APOOL: variants seen among roughly 807,000 people sequenced by gnomAD.
APOOL encodes MICOS complex subunit MIC27.
Under a neutral mutation model 23.1 loss-of-function variants are expected in APOOL, and 12 were observed. That is an observed-to-expected ratio of 0.52 (90% CI 0.33 to 0.84). APOOL has a LOEUF of 0.84. APOOL is among the 40% of genes least tolerant of loss of function. The pLI is 0.02. For synonymous variants in APOOL, 77 were observed against 69.9 expected, an observed-to-expected ratio of 1.10 and a Z score of -0.51; for missense variants, 212 against 199.6, an observed-to-expected ratio of 1.06 and a Z score of -0.37.
chrX:85,079,027 C>T (rs1355990988), intron 8 of APOOL, among the ~76,000 whole-genome samples: 1 of 111,598 alleles, frequency 9.0e-6, no homozygotes, highest in African/African-American at 3.3e-5. Context: ...ACAATCATGT[C>T]ATCTGCAAAC....
Position 85,055,935 on chromosome X carries a change from T to TA in APOOL, c.394+16dup. ...GTTTCAGCGAGAAAAGGTAGGGTTT[T>TA]AAAAAATATATTCTCTCTTAATGCC... On this transcript the variant is annotated intron_variant, in intron 5 of 8. Coordinates refer to ENST00000373173, the MANE Select transcript of APOOL (RefSeq NM_198450.6). 8.8e-7 allele frequency: 1 copy of TA among 1,138,013 alleles called. No individual in the cohort carries two copies. The highest frequency in any genetic ancestry group is 1.2e-6 in the Non-Finnish European group (1 of 843,025). 93.8% of individuals were successfully genotyped at this position (1,138,013 alleles called of 1,213,427 possible).
At chrX:85,021,841 A>G (rs1921675819) in intron 1 of APOOL, among the ~76,000 whole-genome samples, 1 of 112,142 alleles carries the variant, frequency 8.9e-6, no homozygotes, top group Non-Finnish European at 1.9e-5. Context: ...AAAAGATAAC[A>G]TAGATAAACC....
chrX:85,066,513 C>CA (rs1287421947), intron 5 of APOOL, among the ~76,000 whole-genome samples: 1 of 110,658 alleles, frequency 9.0e-6, no homozygotes, highest in African/African-American at 3.3e-5. Context: ...ATTTTGTTAT[C>CA]AAAAAAAGAT....
intron 5 of APOOL, among the ~76,000 whole-genome samples, chrX:85,062,987 A>C (rs564994826): frequency 8.9e-6 from 1 of 111,853 alleles, no homozygotes; most frequent in African/African-American, 3.2e-5. Flanking sequence ...GTTTCTTCCT[A>C]TCCATGAGCA....
At chrX:85,060,118 C>T (rs1431396299) in intron 5 of APOOL, among the ~76,000 whole-genome samples, 5 of 109,782 alleles carry the variant, frequency 4.6e-5, no homozygotes, top group African/African-American at 1.7e-4. Context: ...TTCCCAGCAC[C>T]ATTTATTAAA....
At chrX:85,059,461 C>T (rs1007755042) in intron 5 of APOOL, among the ~76,000 whole-genome samples, 1 of 110,467 alleles carries the variant, frequency 9.1e-6, no homozygotes, top group Admixed American at 9.7e-5. Context: ...ACACTGACTT[C>T]CACAATCGTT....
At chrX:85,009,531 G>A (rs186182933) in intron 1 of APOOL, among the ~76,000 whole-genome samples, 3 of 111,755 alleles carry the variant, frequency 2.7e-5, no homozygotes, top group Admixed American at 1.9e-4. Context: ...TATTAATGTG[G>A]TGTATCATGT....
chrX:85,087,704 A>G lies in APOOL; in HGVS notation c.*26A>G. On this transcript the variant is annotated 3_prime_UTR_variant, in exon 9 of 9. Coordinates refer to ENST00000373173, the MANE Select transcript of APOOL (RefSeq NM_198450.6). ...AGTAGACTGCATGCAGAGACTACAC[A>G]GAAAACTACAAGATGTGTGGCGTTG... The G allele has an allele frequency of 9.1e-7, 1 of 1,104,139 alleles. No individual in the cohort carries two copies. Among genetic ancestry groups the G allele is most frequent in the Non-Finnish European group, 1.2e-6 (1 of 822,556 alleles). The allele number at this position is 1,104,139 out of a possible 1,213,427, so 91.0% of individuals were successfully genotyped here. A position where few individuals can be genotyped will look rare whatever the true frequency, so the allele number is the denominator to read the frequency against.
At chrX:85,061,549 C>CA (rs1331541658) in intron 5 of APOOL, among the ~76,000 whole-genome samples, 2 of 112,159 alleles carry the variant, frequency 1.8e-5, no homozygotes, top group African/African-American at 6.5e-5. Flanking sequence ...ATTATTGCCT[C>CA]AATTTCAGAG....
rs1338488304 is a variant in APOOL at position 85,084,493 on chromosome X, A to G, written c.719-3097A>G. 2.7e-5 allele frequency among the ~76,000 whole-genome samples: 3 copies of G among 109,569 alleles called. No homozygotes were observed. In the East Asian group the frequency reaches 8.6e-4, roughly 31 times the overall value. ...ATGACAGGCTAAGTGGTTCTAAACC[A>G]GAGAGATCCATATCACAATTACTTG... On this transcript the variant is annotated intron_variant, in intron 8 of 8. Coordinates refer to ENST00000373173, the MANE Select transcript of APOOL (RefSeq NM_198450.6).
At chrX:85,085,442 A>G (rs1276607840) in intron 8 of APOOL, among the ~76,000 whole-genome samples, 2 of 112,065 alleles carry the variant, frequency 1.8e-5, no homozygotes. Context: ...TACCTGTACC[A>G]TCATGAATAC....
intron 2 of APOOL, among the ~76,000 whole-genome samples, chrX:85,050,973 T>C (rs1226592813): frequency 1.8e-5 from 2 of 111,199 alleles, no homozygotes; most frequent in East Asian, 5.6e-4. Flanking sequence ...AATTTTTCCA[T>C]GTTGCTGTAA....
intron 1 of APOOL, among the ~76,000 whole-genome samples, chrX:85,012,174 C>T (rs187651682): frequency 4.5e-5 from 5 of 111,727 alleles, no homozygotes; most frequent in African/African-American, 1.6e-4. Context: ...AGCAGTCCTA[C>T]TGATTTGTGT....
chrX:85,078,911 G>A (rs1923967248), intron 8 of APOOL, among the ~76,000 whole-genome samples: 1 of 111,523 alleles, frequency 9.0e-6, no homozygotes, highest in Non-Finnish European at 1.9e-5. Flanking sequence ...TGGTGTATAA[G>A]AATGCTTGTG....
chrX:85,071,229 C>A (rs772019793), intron 6 of APOOL, among the ~76,000 whole-genome samples: 134 of 110,171 alleles, frequency 1.2e-3, no homozygotes, highest in African/African-American at 4.3e-3. Context: ...TACAAAAGCT[C>A]TGGATTTGAA....
intron 1 of APOOL, among the ~76,000 whole-genome samples, chrX:85,035,994 G>C (rs778220123): frequency 1.8e-5 from 2 of 112,359 alleles, no homozygotes; most frequent in Admixed American, 9.4e-5. Context: ...TTTTAGAATA[G>C]TTGTTTCTAC....
chrX:85,046,629 G>A lies in APOOL; in HGVS notation c.120+79G>A, dbSNP rs1428107542. 4 of 831,843 alleles carry A rather than the reference G, an allele frequency of 4.8e-6. No individual in the cohort carries two copies. The Admixed American group carries it at 1.0e-4, about 21-fold the overall frequency. The allele number at this position is 831,843 out of a possible 1,213,427, so 68.6% of individuals were successfully genotyped here. On this transcript the variant is annotated intron_variant, in intron 2 of 8. Coordinates refer to ENST00000373173, the MANE Select transcript of APOOL (RefSeq NM_198450.6). ...AGCTATATTTTTTAAAATTATCTTT[G>A]CCCATCAAAAATGTCTTAGAAGTCT...
At chrX:85,047,232 G>A (rs771359530) in intron 2 of APOOL, among the ~76,000 whole-genome samples, 9 of 111,760 alleles carry the variant, frequency 8.1e-5, no homozygotes, top group East Asian at 2.8e-4. Context: ...ATTTTAAAGC[G>A]TTTAGTAGCT....
chrX:85,075,177 A>T (rs1280943303), intron 8 of APOOL, among the ~76,000 whole-genome samples: 3 of 111,089 alleles, frequency 2.7e-5, no homozygotes, highest in Non-Finnish European at 5.7e-5. Context: ...TAATAATAAT[A>T]TGCACCCTTT....
Sources: allele counts gnomAD v4.1 joint callset (sites outside exome capture counted in the v4.1 genomes callset), GRCh38; gene constraint gnomAD v4.1.1; transcripts MANE v1.5; gene names NCBI Gene and HGNC (gene_info 2026-07-23, HGNC 2026-07-21).